The following BCR variants were observed in gnomAD, a reference collection of about 807,000 sequenced individuals.
BCR encodes the protein breakpoint cluster region protein.
Under a neutral mutation model 138.6 loss-of-function variants are expected in BCR, and 58 were observed. That is an observed-to-expected ratio of 0.42 (90% CI 0.34 to 0.52). The LOEUF is 0.52. Ranked by LOEUF, BCR falls within the 20% of genes least tolerant of loss-of-function variation. The probability of loss-of-function intolerance (pLI) is 0.06; values close to 1 mark genes in which losing one functional copy is unlikely to be tolerated. For synonymous variants in BCR, 786 were observed against 730.1 expected (o/e 1.08, Z -1.23); for missense variants, 1,599 against 1,727.2 (o/e 0.93, Z 1.32).
In BCR at chr22:23,252,567, A is replaced by G. The variant is rs576857203; in HGVS notation, c.1280-1232A>G. ...TGCCTCAGCCTCCTGAGTAGCTGGG[A>G]TTACAGGCACCTGCCACCATGCCCA... On this transcript the variant is annotated intron_variant, in intron 1 of 22. Transcript: ENST00000305877. Among the ~76,000 whole-genome samples the G allele has an allele frequency of 2.3e-3, 346 of 151,240 alleles. 3 individuals carry two copies. Among genetic ancestry groups the G allele is most frequent in the African/African-American group, 8.0e-3 (330 of 41,146 alleles).
chr22:23,210,072 G>T (rs2072663777), intron 1 of BCR, among the ~76,000 whole-genome samples: 1 of 152,154 alleles, frequency 6.6e-6, no homozygotes, highest in Admixed American at 6.5e-5. Context: ...AAGAAATTAT[G>T]GGTTGAAGGT....
At chr22:23,201,558 T>C (rs905833280) in intron 1 of BCR, among the ~76,000 whole-genome samples, 1 of 152,136 alleles carries the variant, frequency 6.6e-6, no homozygotes, top group Non-Finnish European at 1.5e-5. Context: ...CCTGGGTTCA[T>C]GCCATTCTCC....
At chr22:23,199,820 A>G (rs553847327) in intron 1 of BCR, among the ~76,000 whole-genome samples, 6 of 152,208 alleles carry the variant, frequency 3.9e-5, no homozygotes, top group Non-Finnish European at 7.4e-5. Flanking sequence ...GCCAGGCGCG[A>G]TGGCTCACGC....
intron 14 of BCR, 141 bp downstream of exon 14, chr22:23,290,554 T>G (rs1368803723): frequency 2.3e-6 from 2 of 864,208 alleles, no homozygotes; most frequent in Admixed American, 1.8e-5. Flanking sequence ...CGCTGTGGAG[T>G]GTTTGTGCTG....
chr22:23,234,884 C>T (rs1019178797), intron 1 of BCR, among the ~76,000 whole-genome samples: 1 of 143,826 alleles, frequency 7.0e-6, no homozygotes, highest in African/African-American at 2.4e-5. Flanking sequence ...CACCCGGAGC[C>T]TACAGGAAAG....
At chr22:23,309,671 C>T (rs925557801) in intron 17 of BCR, 188 bp downstream of exon 17, 21 of 594,470 alleles carry the variant, frequency 3.5e-5, no homozygotes, top group Non-Finnish European at 6.1e-5. Context: ...GGCTGGAATG[C>T]AGTTGCCAGC....
intron 16 of BCR, among the ~76,000 whole-genome samples, chr22:23,305,376 C>G (rs539503395): frequency 6.6e-6 from 1 of 152,202 alleles, no homozygotes; most frequent in Non-Finnish European, 1.5e-5. Context: ...AGTGAACAAG[C>G]ATTTCCTCCT....
intron 1 of BCR, among the ~76,000 whole-genome samples, chr22:23,202,534 A>G (rs1568931101): frequency 6.6e-6 from 1 of 152,138 alleles, no homozygotes; most frequent in Non-Finnish European, 1.5e-5. Context: ...CCCCACGCCC[A>G]GTCCCTGTAA....
chr22:23,221,584 G>A (rs993264619), intron 1 of BCR, among the ~76,000 whole-genome samples: 1 of 152,234 alleles, frequency 6.6e-6, no homozygotes, highest in African/African-American at 2.4e-5. Flanking sequence ...GCCACACGAG[G>A]ATGCTCACAC....
intron 8 of BCR, among the ~76,000 whole-genome samples, chr22:23,276,723 G>T (rs116525454): frequency 6.6e-6 from 1 of 152,222 alleles, no homozygotes; most frequent in African/African-American, 2.4e-5. Context: ...GATCAGTTGG[G>T]CACTCCAAGC....
In BCR at chr22:23,253,784, T is replaced by G. The variant is rs776026251; in HGVS notation, c.1280-15T>G. 1.6e-5 allele frequency: 26 copies of G among 1,603,890 alleles called. No homozygotes were observed. In the Admixed American group the frequency reaches 1.8e-4, roughly 11 times the overall value. On this transcript the variant is annotated splice_polypyrimidine_tract_variant and intron_variant, in intron 1 of 22. Transcript: ENST00000305877. Reference sequence around the variant, plus strand: ...TTCTCTGTCTCTAACACAGGATGCTTCTTTGCACACACAGATGGCTCGTTC... The same window carrying G: ...TTCTCTGTCTCTAACACAGGATGCTGCTTTGCACACACAGATGGCTCGTTC...
chr22:23,222,086 G>A (rs2072830826), intron 1 of BCR, among the ~76,000 whole-genome samples: 2 of 150,028 alleles, frequency 1.3e-5, no homozygotes, highest in Admixed American at 6.6e-5. Context: ...GTGAGACTCT[G>A]TCTCAAAAAA....
At chr22:23,287,399 G>T in intron 11 of BCR, 121 bp downstream of exon 11, 2 of 1,392,812 alleles carry the variant, frequency 1.4e-6, no homozygotes, top group South Asian at 1.5e-5. Flanking sequence ...GTCCGGCATG[G>T]TGCATGCAAG....
At chr22:23,263,259 G>C (rs376154946) in intron 4 of BCR, 4 of 1,081,148 alleles carry the variant, frequency 3.7e-6, no homozygotes, top group Admixed American at 2.0e-5. Context: ...CTCCTACCTC[G>C]ACATGCGGGC....
intron 1 of BCR, among the ~76,000 whole-genome samples, chr22:23,217,906 G>T (rs1442387930): frequency 1.3e-5 from 2 of 152,204 alleles, no homozygotes; most frequent in Non-Finnish European, 2.9e-5. Flanking sequence ...AGGCCTTGAC[G>T]TCCAGATCCT....
chr22:23,233,560 A>C (rs1299398162), intron 1 of BCR, among the ~76,000 whole-genome samples: 1 of 152,104 alleles, frequency 6.6e-6, no homozygotes, highest in Admixed American at 6.5e-5. Context: ...GGCTGAGGCA[A>C]ATGAATCATT....
chr22:23,220,437 C>T (rs775974087), intron 1 of BCR, among the ~76,000 whole-genome samples: 4 of 152,172 alleles, frequency 2.6e-5, no homozygotes, highest in Non-Finnish European at 5.9e-5. Context: ...GTGGCTATAA[C>T]TGTCTTGGAG....
At position 23,268,392 on chromosome 22, in the gene BCR, C is replaced by T. The variant is rs1441291395; in HGVS notation, c.1753-16C>T. The T allele has an allele frequency of 1.9e-6, 3 of 1,595,692 alleles. No individual in the cohort carries two copies. Among genetic ancestry groups the T allele is most frequent in the Non-Finnish European group, 2.6e-6 (3 of 1,169,134 alleles). On this transcript the variant is annotated splice_polypyrimidine_tract_variant and intron_variant, in intron 4 of 22. Transcript: ENST00000305877. ...AGCAGCACCTGTCCCACTCTCTCTT[C>T]CTTCCTCCCCCTCAGGCCAGCCAGC...
chr22:23,208,742 C>T (rs1403683020), intron 1 of BCR, among the ~76,000 whole-genome samples: 1 of 152,190 alleles, frequency 6.6e-6, no homozygotes. Context: ...GTAATCCCAG[C>T]TCCTCAGGAG....
Sources: gnomAD v4.1 joint callset for allele counts (sites outside exome capture counted in the v4.1 genomes callset) on GRCh38, gnomAD v4.1.1 for gene constraint, MANE v1.5 for transcripts, NCBI Gene and HGNC (gene_info 2026-07-23, HGNC 2026-07-21) for gene names.